NEURL1: variants seen among roughly 807,000 people sequenced by gnomAD.
The protein encoded by NEURL1 is E3 ubiquitin-protein ligase NEURL1.
A neutral mutation model predicts 41.2 loss-of-function variants in NEURL1; 26 were observed. The observed-to-expected ratio is 0.63, with a 90% confidence interval of 0.46 to 0.87. The LOEUF is 0.87. Among genes scored for constraint, NEURL1 ranks in the 40% least tolerant of loss-of-function variants. The probability of loss-of-function intolerance (pLI) is 0.00; values close to 1 mark genes in which losing one functional copy is unlikely to be tolerated. For synonymous variants in NEURL1, 400 were observed against 402.3 expected (o/e 0.99, Z 0.07); for missense variants, 761 against 871.1 (o/e 0.87, Z 1.59).
chr10:103,497,621 G>A (rs1360395355), intron 1 of NEURL1, among the ~76,000 whole-genome samples: 2 of 152,124 alleles, frequency 1.3e-5, no homozygotes, highest in Non-Finnish European at 2.9e-5. Context: ...TCTTCTTCCT[G>A]GGAACACACT....
chr10:103,514,994 G>A (rs1027353043), intron 1 of NEURL1, among the ~76,000 whole-genome samples: 5 of 152,114 alleles, frequency 3.3e-5, no homozygotes, highest in African/African-American at 7.2e-5. Context: ...TTGGGAGGCC[G>A]AGGCAGGTGG....
chr10:103,554,875 G>A (rs117367298), intron 1 of NEURL1, among the ~76,000 whole-genome samples: 396 of 152,316 alleles, frequency 2.6e-3, no homozygotes, highest in Non-Finnish European at 4.3e-3. Flanking sequence ...TCTGCATGTA[G>A]TAGGTGCATG....
intron 1 of NEURL1, among the ~76,000 whole-genome samples, chr10:103,544,953 A>C (rs950835823): frequency 2.6e-5 from 4 of 152,114 alleles, no homozygotes; most frequent in African/African-American, 9.7e-5. Context: ...GGAACTCAGG[A>C]GTTCTGACTG....
chr10:103,532,729 G>GTGAACT (rs1251655543), intron 1 of NEURL1, among the ~76,000 whole-genome samples: 1 of 150,138 alleles, frequency 6.7e-6, no homozygotes, highest in Non-Finnish European at 1.5e-5. Context: ...GGCTTTCTCT[G>GTGAACT]TGAACTTTCT....
At chr10:103,551,296 A>C (rs2035026910) in intron 1 of NEURL1, among the ~76,000 whole-genome samples, 1 of 134,948 alleles carries the variant, frequency 7.4e-6, no homozygotes, top group African/African-American at 3.5e-5. Context: ...TGGTCAAATG[A>C]ATTTTTTTTT....
chr10:103,532,007 C>T (rs1183714383), intron 1 of NEURL1, among the ~76,000 whole-genome samples: 1 of 152,178 alleles, frequency 6.6e-6, no homozygotes, highest in Non-Finnish European at 1.5e-5. Context: ...CATAGCTTTT[C>T]CTGCCAATTT....
rs2034003713 is a variant in NEURL1 at position 103,508,776 on chromosome 10, CG to C, written c.85+14305del. Among the ~76,000 whole-genome samples the C allele has an allele frequency of 6.6e-6, 1 of 152,152 alleles. No homozygotes were observed. Among genetic ancestry groups the C allele is most frequent in the Non-Finnish European group, 1.5e-5 (1 of 68,032 alleles). On this transcript the variant is annotated intron_variant, in intron 1 of 5. Transcript: ENST00000369780. This position sits in a 1 kb window ranked among gnomAD's most constrained non-coding sequence, Gnocchi z 4.3. ...AAAGTTTCGGCCTCAGAGGGCAGCC[CG>C]CCAGGAAACTAGGGCTCTGTGTGCA...
At position 103,584,646 on chromosome 10, in the gene NEURL1, G is replaced by A. The variant is rs2035859160; in HGVS notation, c.760G>A (p.Asp254Asn). ...CGCGCGCCTCTCGGTGAGCCTATGC[G>A]ACCTCAACGTGCCGGGCGCGGACGG... Reference protein sequence around the residue: ...DDARLSVSLCDLNVPGADGDE... With the variant: ...DDARLSVSLCNLNVPGADGDE... Residue 254 changes from aspartate (D) to asparagine (N), a missense_variant, in exon 4 of 6, where the codon GAC becomes AAC. Asp to Asn is a conservative substitution (Grantham distance 23). Coordinates refer to ENST00000369780, the MANE Select transcript of NEURL1 (RefSeq NM_004210.5). 4.9e-6 allele frequency: 7 copies of A among 1,429,328 alleles called. No homozygotes were observed. Among genetic ancestry groups the A allele is most frequent in the Non-Finnish European group, 6.4e-6 (7 of 1,097,852 alleles). 88.5% of individuals were successfully genotyped at this position (1,429,328 alleles called of 1,614,324 possible).
intron 1 of NEURL1, among the ~76,000 whole-genome samples, chr10:103,555,697 C>T (rs2133869781): frequency 1.4e-5 from 2 of 145,456 alleles, no homozygotes; most frequent in East Asian, 3.9e-4. Flanking sequence ...TCTCCTTGTC[C>T]TCTTACCTCC....
At chr10:103,538,088 CATTT>C (rs755508466) in intron 1 of NEURL1, among the ~76,000 whole-genome samples, 1 of 151,764 alleles carries the variant, frequency 6.6e-6, no homozygotes, top group South Asian at 2.1e-4. Flanking sequence ...ATCAATAATC[CATTT>C]ATTTATTTAT....
chr10:103,552,615 A>G (rs1240487098), intron 1 of NEURL1, among the ~76,000 whole-genome samples: 1 of 152,190 alleles, frequency 6.6e-6, no homozygotes, highest in Non-Finnish European at 1.5e-5. Context: ...CCTTAGTGAG[A>G]CTACTGGATA....
chr10:103,555,558 C>A, intron 1 of NEURL1: 5 of 564,754 alleles, frequency 8.9e-6, no homozygotes, highest in Non-Finnish European at 1.2e-5. Flanking sequence ...GTGGGGGCAC[C>A]TTTTGGTGGT....
At chr10:103,587,791 T>A (rs2035952575) in intron 4 of NEURL1, among the ~76,000 whole-genome samples, 3 of 152,212 alleles carry the variant, frequency 2.0e-5, no homozygotes, top group Admixed American at 2.0e-4. Flanking sequence ...ATAGGAGTTG[T>A]GAATTCCTGA....
rs138246899 is a variant in NEURL1, at chr10:103,500,681, C to T, written c.85+6209C>T. ...AGCCTCCTCCCCCTTACGCTTTCTTCGGGGTTTTAGACACTTTGGAGGAAA... is the reference window on the plus strand; with the variant it reads ...AGCCTCCTCCCCCTTACGCTTTCTTTGGGGTTTTAGACACTTTGGAGGAAA... On this transcript the variant is annotated intron_variant, in intron 1 of 5. Transcript: ENST00000369780. 2.3e-4 allele frequency among the ~76,000 whole-genome samples: 35 copies of T among 152,310 alleles called. No homozygotes were observed. The East Asian group carries it at 6.0e-3, about 26-fold the overall frequency.
chr10:103,522,119 A>G (rs1249093204), intron 1 of NEURL1, among the ~76,000 whole-genome samples: 1 of 152,146 alleles, frequency 6.6e-6, no homozygotes, highest in Non-Finnish European at 1.5e-5. Flanking sequence ...GCAGGAACAA[A>G]TCACAATGGT....
chr10:103,588,756 C>T, intron 4 of NEURL1: 1 of 415,888 alleles, frequency 2.4e-6, no homozygotes, highest in Non-Finnish European at 4.8e-6. Context: ...CCATCTTGGC[C>T]AACATGGTGA....
chr10:103,568,371 C>T (rs968918120), intron 1 of NEURL1, among the ~76,000 whole-genome samples: 1 of 152,086 alleles, frequency 6.6e-6, no homozygotes, highest in Non-Finnish European at 1.5e-5. Context: ...TTTTCTGTGC[C>T]GTTACCCAGG....
chr10:103,504,648 T>A (rs539284108), intron 1 of NEURL1, among the ~76,000 whole-genome samples: 1 of 152,310 alleles, frequency 6.6e-6, no homozygotes, highest in South Asian at 2.1e-4. Context: ...TGGAAGGAAG[T>A]CACTGTGTGC....
chr10:103,518,844 A>T (rs1316014848), intron 1 of NEURL1, among the ~76,000 whole-genome samples: 1 of 152,208 alleles, frequency 6.6e-6, no homozygotes, highest in Non-Finnish European at 1.5e-5. Context: ...CTACCTCTGG[A>T]GAATTGGCTG....
Sources: gnomAD v4.1 joint callset for allele counts (sites outside exome capture counted in the v4.1 genomes callset) on GRCh38, gnomAD v4.1.1 for gene constraint, Gnocchi (gnomAD v3.1) non-coding constraint, MANE v1.5 for transcripts, NCBI Gene and HGNC (gene_info 2026-07-23, HGNC 2026-07-21) for gene names.